Variants in ADH5 observed in about 807,000 individuals in gnomAD.
ADH5 encodes the protein alcohol dehydrogenase 5 (class III), chi polypeptide.
A neutral mutation model predicts 40.3 loss-of-function variants in ADH5; 32 were observed. The observed-to-expected ratio is 0.79, with a 90% CI of 0.60 to 1.07. The LOEUF (loss-of-function observed/expected upper bound fraction) is 1.07, where lower values mean the gene tolerates loss of function less well. ADH5 is among the 50% of genes least tolerant of loss of function. The pLI, the probability that ADH5 is intolerant of heterozygous loss-of-function variation, is 0.00. For synonymous variants in ADH5, 125 were observed against 154.3 expected (o/e 0.81, Z 1.41); for missense variants, 353 against 460.5 (o/e 0.77, Z 2.14).
chr4:99,085,613 T>C (rs374046583), intron 1 of ADH5: 1 of 360,498 alleles, frequency 2.8e-6, no homozygotes. Context: ...CTGTTCTGAA[T>C]ACCACCGGCT....
rs983535402 is a variant in ADH5 at position 99,072,342 on chromosome 4, G to A, written c.*75C>T. 7.6e-5 allele frequency: 107 copies of A among 1,415,092 alleles called. No individual in the cohort carries two copies. Among genetic ancestry groups the A allele is most frequent in the Non-Finnish European group, 2.0e-5 (20 of 1,009,548 alleles). 87.7% of individuals were successfully genotyped at this position (1,415,092 alleles called of 1,614,324 possible). A position where few individuals can be genotyped will look rare whatever the true frequency, so the allele number is the denominator to read the frequency against. On this transcript the variant is annotated 3_prime_UTR_variant, in exon 9 of 9. Transcript: ENST00000296412. The stretch of plus-strand genomic sequence containing the variant: ...TGAAGCTCTACGAGGCTGTGAGGTT[G>A]GAGGCGCTTCTCCCTGCCTGTTAAG...
At chr4:99,088,393 C>T (rs1728191387) in intron 1 of ADH5, among the ~76,000 whole-genome samples, 1 of 152,164 alleles carries the variant, frequency 6.6e-6, no homozygotes, top group Non-Finnish European at 1.5e-5. Context: ...AAGCCATTTC[C>T]ACTGGGATAC....
chr4:99,077,636 TTA>T (rs572111233), intron 4 of ADH5, among the ~76,000 whole-genome samples: 92 of 152,344 alleles, frequency 6.0e-4, no homozygotes, highest in African/African-American at 1.9e-3. Context: ...ACTGGCTAAT[TTA>T]TATCTTTCAG....
chr4:99,080,799 A>T (rs1415058413), intron 4 of ADH5: 2 of 158,456 alleles, frequency 1.3e-5, no homozygotes, highest in Non-Finnish European at 2.8e-5. Context: ...GCACTACATA[A>T]ACTGCCACAC....
intron 1 of ADH5, 78 bp downstream of exon 1, chr4:99,088,611 C>T: frequency 7.0e-7 from 1 of 1,420,698 alleles, no homozygotes; most frequent in Admixed American, 2.4e-5. Context: ...GCCTCGCGCG[C>T]CCCCGAGGAT....
At chr4:99,084,781 G>A (rs577261428) in intron 2 of ADH5, among the ~76,000 whole-genome samples, 54 of 152,182 alleles carry the variant, frequency 3.5e-4, no homozygotes, top group Non-Finnish European at 6.9e-4. Context: ...TGTTTCTAAC[G>A]TGTCAGCATA....
chr4:99,077,100 A>G (rs1018487075), intron 4 of ADH5, among the ~76,000 whole-genome samples, 177 bp from the exon 5 acceptor site: 4 of 152,236 alleles, frequency 2.6e-5, no homozygotes, highest in Non-Finnish European at 5.9e-5. Flanking sequence ...AAGGAAATTT[A>G]TAAGATATTT....
intron 1 of ADH5, among the ~76,000 whole-genome samples, chr4:99,086,400 C>T (rs1728133428): frequency 6.6e-6 from 1 of 152,056 alleles, no homozygotes; most frequent in Admixed American, 6.5e-5. Flanking sequence ...AATGTGTGGA[C>T]AGACTAAAGG....
rs200085767 is a variant in ADH5 at position 99,072,411 on chromosome 4, T to A, written c.*6A>T. 2.0e-5 allele frequency: 33 copies of A among 1,612,908 alleles called. No homozygotes were observed. The highest frequency in any genetic ancestry group is 2.5e-6 in the Non-Finnish European group (3 of 1,179,420). On this transcript the variant is annotated 3_prime_UTR_variant, in exon 9 of 9. Transcript: ENST00000296412. ...GACAGGATGGACATTATTTTTCTCT[T>A]TTGAATTAAATCTTTACAACAGTTC...
intron 1 of ADH5, among the ~76,000 whole-genome samples, chr4:99,087,094 C>A (rs1728156838): frequency 6.6e-6 from 1 of 151,624 alleles, no homozygotes; most frequent in Non-Finnish European, 1.5e-5. Flanking sequence ...TAAAAAATGG[C>A]CTCTGTAGGC....
chr4:99,076,068 C>T (rs747821610), intron 6 of ADH5: 61 of 526,366 alleles, frequency 1.2e-4, no homozygotes, highest in Admixed American at 6.8e-4. Flanking sequence ...GAGACATGCA[C>T]TTAGCAGGCA....
intron 2 of ADH5, among the ~76,000 whole-genome samples, chr4:99,083,190 C>T (rs28730587): frequency 0.081 from 12,399 of 152,222 alleles, 541 homozygotes; most frequent in Middle Eastern, 0.11. Context: ...GCACTTAATA[C>T]ATCCAGGACA....
rs1460994411 is a variant in ADH5, at chr4:99,071,348, G to A, written c.*1069C>T. The A allele has an allele frequency of 6.6e-6, 1 of 152,222 alleles. No individual in the cohort carries two copies. The highest frequency in any genetic ancestry group is 1.5e-5 in the Non-Finnish European group (1 of 68,050). The allele number at this position is 152,222 out of a possible 1,614,324, so 9.4% of individuals were successfully genotyped here. A position where few individuals can be genotyped will look rare whatever the true frequency, so the allele number is the denominator to read the frequency against. On this transcript the variant is annotated 3_prime_UTR_variant, in exon 9 of 9. Transcript: ENST00000296412. ...TGTGTTTATTCTGTGATACGTCTTA[G>A]GTAACACGCAGTGAGCCCAATGCAG...
intron 4 of ADH5, chr4:99,079,741 T>G (rs1365294664): frequency 3.8e-6 from 1 of 263,190 alleles, no homozygotes; most frequent in Non-Finnish European, 7.5e-6. Flanking sequence ...ACAACTACCT[T>G]TTCTGTGTCA....
At chr4:99,081,820 A>G in intron 3 of ADH5, 155 bp downstream of exon 3, 1 of 798,406 alleles carries the variant, frequency 1.3e-6, no homozygotes, top group South Asian at 2.7e-5. Flanking sequence ...AAAATATCCA[A>G]ATATTTGTGC....
Position 99,085,166 on chromosome 4 carries a change from GGA to G in ADH5, c.61_62del (p.Ser21HisfsTer13). 1 of 1,552,646 alleles carries G rather than the reference GGA, an allele frequency of 6.4e-7. No individual in the cohort carries two copies. The highest frequency in any genetic ancestry group is 8.7e-7 in the Non-Finnish European group (1 of 1,148,490). ...AVAWEAGKPLSIEEIEVAPPK... is the reference protein window; with the variant it reads ...AVAWEAGKPLXIEEIEVAPPK... ...GGGGTGCCACCTCTATCTCCTCTAT[GGA>G]GAGAGGCTTTCCAGCCTCCCAAGCA... On this transcript the variant is annotated frameshift_variant, in exon 2 of 9. Transcript: ENST00000296412. LOFTEE classifies it high-confidence loss of function.
intron 4 of ADH5, among the ~76,000 whole-genome samples, chr4:99,078,332 C>G (rs1727966707): frequency 6.6e-6 from 1 of 152,160 alleles, no homozygotes; most frequent in Admixed American, 6.5e-5. Context: ...TCTCTAGATT[C>G]AAGAGCAAAT....
intron 2 of ADH5, among the ~76,000 whole-genome samples, chr4:99,083,683 G>A (rs1448198476): frequency 6.6e-6 from 1 of 151,762 alleles, no homozygotes; most frequent in African/African-American, 2.4e-5. Context: ...TGATCTTTGG[G>A]AGCATGAGCC....
At chr4:99,075,624 T>C (rs972561328) in intron 6 of ADH5, 1 of 152,260 alleles carries the variant, frequency 6.6e-6, no homozygotes, top group African/African-American at 2.4e-5. Context: ...CTCTAAAAGA[T>C]TTAATTTTAA....
Sources: allele counts gnomAD v4.1 joint callset (sites outside exome capture counted in the v4.1 genomes callset), GRCh38; gene constraint gnomAD v4.1.1; transcripts MANE v1.5; gene names NCBI Gene and HGNC (gene_info 2026-07-23, HGNC 2026-07-21).